Variants in NOX4 observed in about 807,000 individuals in gnomAD.
NOX4 encodes the protein NADPH oxidase 4.
In NOX4, 69 loss-of-function variants were observed where a neutral mutation model predicts 87.6. The observed-to-expected ratio is 0.79, with a 90% confidence interval of 0.65 to 0.96. The LOEUF is 0.96. Ranked by LOEUF, NOX4 falls within the 40% of genes least tolerant of loss-of-function variation. The pLI is 0.00. For missense variants in NOX4, 680 were observed against 681.5 expected (o/e 1.00, Z 0.02); for synonymous variants, 275 against 238.2 (o/e 1.15, Z -1.42).
chr11:89,486,115 C>T (rs571015309), intron 2 of NOX4, among the ~76,000 whole-genome samples: 14 of 151,552 alleles, frequency 9.2e-5, no homozygotes, highest in South Asian at 6.3e-4. Context: ...AATTTTATTA[C>T]GAGAATAATA....
intron 11 of NOX4, among the ~76,000 whole-genome samples, chr11:89,391,386 G>C (rs1234580961): frequency 6.6e-6 from 1 of 152,102 alleles, no homozygotes; most frequent in Admixed American, 6.6e-5. Context: ...ATACATGGAA[G>C]AAAATGAGGT....
intron 2 of NOX4, among the ~76,000 whole-genome samples, chr11:89,489,627 C>T (rs767282839): frequency 5.4e-4 from 81 of 151,220 alleles, no homozygotes; most frequent in Non-Finnish European, 9.3e-4. Flanking sequence ...ACTCAGAAGG[C>T]TGAGGCAGGA....
At chr11:89,538,030 G>A in the NOX4 span, among the ~76,000 whole-genome samples, 2 of 152,080 alleles carry the variant, frequency 1.3e-5, no homozygotes, top group African/African-American at 4.8e-5. Flanking sequence ...TCCAGTCCCT[G>A]GCTCTCTGCT....
chr11:89,423,335 T>C (rs1362539772), intron 7 of NOX4, among the ~76,000 whole-genome samples: 1 of 152,206 alleles, frequency 6.6e-6, no homozygotes, highest in African/African-American at 2.4e-5. Context: ...TTACTTTTAA[T>C]TCTTCTGTGA....
chr11:89,417,893 T>A (rs1382201682), intron 8 of NOX4, among the ~76,000 whole-genome samples: 1 of 152,110 alleles, frequency 6.6e-6, no homozygotes, highest in African/African-American at 2.4e-5. Flanking sequence ...ATCTGCCAAG[T>A]TCATACGGGT....
chr11:89,489,672 G>A (rs1447968418), intron 2 of NOX4, among the ~76,000 whole-genome samples: 1 of 148,246 alleles, frequency 6.7e-6, no homozygotes, highest in Non-Finnish European at 1.5e-5. Flanking sequence ...AGGTTGCAGT[G>A]AGCTGAGATC....
chr11:89,576,487 G>A, the NOX4 span, among the ~76,000 whole-genome samples: 1 of 151,952 alleles, frequency 6.6e-6, no homozygotes, highest in African/African-American at 2.4e-5. Flanking sequence ...TATTTTAATC[G>A]TGGCTATATT....
the NOX4 span, among the ~76,000 whole-genome samples, chr11:89,541,288 C>T: frequency 6.6e-6 from 1 of 152,148 alleles, no homozygotes. Context: ...TCTACCTTAT[C>T]TCAGACAACA....
chr11:89,440,794 C>A, intron 5 of NOX4, 79 bp from the exon 6 acceptor site: 2 of 731,144 alleles, frequency 2.7e-6, no homozygotes, highest in Non-Finnish European at 2.2e-6. Flanking sequence ...TATGCAGGAT[C>A]TACAAACCAC....
intron 11 of NOX4, among the ~76,000 whole-genome samples, chr11:89,395,959 T>C (rs1488329200): frequency 1.3e-5 from 2 of 152,172 alleles, no homozygotes; most frequent in African/African-American, 4.8e-5. Flanking sequence ...CTTTGTTCTT[T>C]TGGCTTAGGA....
chr11:89,572,123 A>G, the NOX4 span, among the ~76,000 whole-genome samples: 5 of 152,204 alleles, frequency 3.3e-5, no homozygotes. Flanking sequence ...TAAAATGTAT[A>G]AAAGCACACT....
chr11:89,386,491 C>T (rs916618536), intron 11 of NOX4, among the ~76,000 whole-genome samples: 6 of 152,056 alleles, frequency 3.9e-5, no homozygotes, highest in African/African-American at 1.4e-4. Flanking sequence ...CTATTCTTTA[C>T]TTTTATACGC....
chr11:89,361,472 G>A (rs1471091580), intron 12 of NOX4, among the ~76,000 whole-genome samples: 3 of 151,942 alleles, frequency 2.0e-5, no homozygotes, highest in South Asian at 2.1e-4. Flanking sequence ...GTTAGAAGTC[G>A]GGTGAGGGAT....
At chr11:89,571,365 C>T in the NOX4 span, among the ~76,000 whole-genome samples, 2 of 149,698 alleles carry the variant, frequency 1.3e-5, no homozygotes, top group Admixed American at 6.7e-5. Context: ...GGCATGATGT[C>T]GACTCACTCC....
chr11:89,402,691 T>C, intron 8 of NOX4, 149 bp from the exon 9 acceptor site: 1 of 686,172 alleles, frequency 1.5e-6, no homozygotes, highest in Non-Finnish European at 2.4e-6. Context: ...GTATTATGTT[T>C]AGGAGAAATT....
intron 11 of NOX4, among the ~76,000 whole-genome samples, chr11:89,380,190 C>CTGGTA (rs1355239551): frequency 4.6e-5 from 7 of 152,066 alleles, no homozygotes; most frequent in African/African-American, 1.7e-4. Context: ...GAAATGAACA[C>CTGGTA]TGGTATGTTG....
chr11:89,413,046 C>T (rs974614365), intron 8 of NOX4, among the ~76,000 whole-genome samples: 2 of 152,038 alleles, frequency 1.3e-5, no homozygotes, highest in Admixed American at 1.3e-4. Context: ...TCTCAAAAGA[C>T]ATACAAATAG....
chr11:89,408,538 C>A (rs1226941898), intron 8 of NOX4, among the ~76,000 whole-genome samples: 2 of 152,116 alleles, frequency 1.3e-5, no homozygotes, highest in Non-Finnish European at 2.9e-5. Context: ...TCCTAAGTAT[C>A]TGGGTACCCA....
chr11:89,449,286 T>C (rs1847695148), intron 4 of NOX4, among the ~76,000 whole-genome samples, 154 bp downstream of exon 4: 1 of 152,188 alleles, frequency 6.6e-6, no homozygotes, highest in Non-Finnish European at 1.5e-5. Context: ...TATGTTAATA[T>C]ATCTGCAGGC....
Sources: allele counts gnomAD v4.1 joint callset (sites outside exome capture counted in the v4.1 genomes callset), GRCh38; gene constraint gnomAD v4.1.1; transcripts MANE v1.5; gene names NCBI Gene and HGNC (gene_info 2026-07-23, HGNC 2026-07-21).